Variants in CHST9 observed in about 807,000 individuals in gnomAD.
CHST9 encodes carbohydrate sulfotransferase 9.
A neutral mutation model predicts 44.4 loss-of-function variants in CHST9; 41 were observed. The ratio of observed to expected loss-of-function variants is 0.92; its 90% CI spans 0.72 to 1.20. CHST9 has a LOEUF of 1.20. Ranked by LOEUF, CHST9 falls within the 50% of genes most tolerant of loss-of-function variation. The probability of loss-of-function intolerance (pLI) is 0.00; values close to 1 mark genes in which losing one functional copy is unlikely to be tolerated. For missense variants in CHST9, 504 were observed against 516.5 expected, an observed-to-expected ratio of 0.98 and a Z score of 0.23; for synonymous variants, 171 against 178.4, an observed-to-expected ratio of 0.96 and a Z score of 0.33.
intron 4 of CHST9, among the ~76,000 whole-genome samples, chr18:27,007,960 C>T (rs1489507946): frequency 2.0e-5 from 3 of 152,054 alleles, no homozygotes; most frequent in Non-Finnish European, 2.9e-5. Context: ...GGGGAGAATA[C>T]AGAGCATTGC....
At chr18:26,928,327 C>T (rs1349264396) in intron 5 of CHST9, 6 of 152,270 alleles carry the variant, frequency 3.9e-5, no homozygotes, top group Non-Finnish European at 7.3e-5. Context: ...TGGGTCATCC[C>T]TGGTGACGGG....
intron 1 of CHST9, among the ~76,000 whole-genome samples, chr18:27,167,773 G>C (rs570680012): frequency 1.3e-5 from 2 of 152,270 alleles, no homozygotes; most frequent in African/African-American, 4.8e-5. Flanking sequence ...TCTTTAAGAA[G>C]GTGATATCTA....
chr18:27,135,547 A>C (rs1313233675), intron 2 of CHST9, among the ~76,000 whole-genome samples: 2 of 152,140 alleles, frequency 1.3e-5, no homozygotes. Flanking sequence ...GTGAGAGGTA[A>C]GAGGAAGTGC....
rs2055542074 is a variant in CHST9, at chr18:26,917,012, A to T, written c.579T>A (p.Ser193Arg). The T allele has an allele frequency of 5.0e-6, 8 of 1,613,598 alleles. No homozygotes were observed. The Admixed American group carries it at 1.0e-4, about 20-fold the overall frequency. The change falls in exon 6 of 6, where the codon AGT (serine) becomes AGA (arginine). Residue 193 changes from serine to arginine, a missense_variant. Coordinates refer to ENST00000618847, the MANE Select transcript of CHST9 (RefSeq NM_031422.6). ...TATGAAAAAGATGTGACTGATGATG[A>T]CTCACCCCACCGTATTTCTTGCAAA... ...QEFCKKYGGV[S>R]HHQSHLFHTV...
At chr18:26,998,988 C>T (rs548064178) in intron 4 of CHST9, among the ~76,000 whole-genome samples, 1 of 152,232 alleles carries the variant, frequency 6.6e-6, no homozygotes, top group South Asian at 2.1e-4. Flanking sequence ...AATTCCCCAG[C>T]CCCATTTCCT....
rs993424935 is a variant in CHST9, at chr18:26,992,277, C to T, written c.202+31839G>A. Among the ~76,000 whole-genome samples the T allele has an allele frequency of 3.8e-4, 32 of 83,744 alleles. 10 individuals carry two copies. In the Admixed American group the frequency reaches 4.0e-3, roughly 10 times the overall value. 54.9% of individuals were successfully genotyped at this position (83,744 alleles called of 152,430 possible). A position where few individuals can be genotyped will look rare whatever the true frequency, so the allele number is the denominator to read the frequency against. ...AATCACACCACATCTATGCTGGAAA[C>T]AGATGCTAGTGAGCCTTCAGACACA... On this transcript the variant is annotated intron_variant, in intron 4 of 5. Coordinates refer to ENST00000618847, the MANE Select transcript of CHST9 (RefSeq NM_031422.6).
At chr18:27,127,597 G>A (rs749912954) in intron 2 of CHST9, among the ~76,000 whole-genome samples, 4 of 152,114 alleles carry the variant, frequency 2.6e-5, no homozygotes, top group Non-Finnish European at 5.9e-5. Flanking sequence ...GAAATAAATT[G>A]GGGGGAATAG....
intron 4 of CHST9, among the ~76,000 whole-genome samples, chr18:26,995,328 C>A (rs1432388087): frequency 2.0e-5 from 3 of 149,710 alleles, no homozygotes; most frequent in African/African-American, 7.4e-5. Context: ...GTCTCAGTTA[C>A]TCGGGAGGCT....
At chr18:27,173,945 A>G (rs1721035870) in intron 1 of CHST9, among the ~76,000 whole-genome samples, 1 of 152,014 alleles carries the variant, frequency 6.6e-6, no homozygotes, top group Admixed American at 6.6e-5. Flanking sequence ...CCTTTCTTAC[A>G]CTTAAAACAT....
At chr18:27,147,255 CG>C (rs2058619984) in intron 1 of CHST9, among the ~76,000 whole-genome samples, 1 of 151,874 alleles carries the variant, frequency 6.6e-6, no homozygotes, top group African/African-American at 2.4e-5. Context: ...TTAGTAGATA[CG>C]GGGTTTCTCC....
At chr18:27,154,558 C>T (rs1252114311) in intron 1 of CHST9, among the ~76,000 whole-genome samples, 1 of 152,118 alleles carries the variant, frequency 6.6e-6, no homozygotes, top group Non-Finnish European at 1.5e-5. Flanking sequence ...AAGAAGACCA[C>T]AGGCATTCAA....
At chr18:26,962,293 C>CTTTT (rs71171604) in intron 4 of CHST9, among the ~76,000 whole-genome samples, 1 of 140,746 alleles carries the variant, frequency 7.1e-6, no homozygotes, top group African/African-American at 2.6e-5. Flanking sequence ...TTATAGTCTC[C>CTTTT]TTTTTTTTTT....
At chr18:26,927,503 G>A (rs564671924) in intron 5 of CHST9, among the ~76,000 whole-genome samples, 1 of 152,058 alleles carries the variant, frequency 6.6e-6, no homozygotes, top group Non-Finnish European at 1.5e-5. Flanking sequence ...GTAACAGTGG[G>A]GAGAGGGTCA....
intron 2 of CHST9, among the ~76,000 whole-genome samples, chr18:27,099,167 T>C (rs1187747098): frequency 6.6e-6 from 1 of 152,080 alleles, no homozygotes; most frequent in East Asian, 1.9e-4. Context: ...TTCCTACCTG[T>C]CACCATATAC....
At chr18:26,992,929 G>C in intron 4 of CHST9, among the ~76,000 whole-genome samples, 1 of 152,098 alleles carries the variant, frequency 6.6e-6, no homozygotes, top group East Asian at 1.9e-4. Context: ...TCATTTGCAG[G>C]CTCTTTTGTT....
At chr18:26,988,340 A>G (rs1176954254) in intron 4 of CHST9, among the ~76,000 whole-genome samples, 1 of 152,230 alleles carries the variant, frequency 6.6e-6, no homozygotes, top group Non-Finnish European at 1.5e-5. Context: ...AGACAGAAAT[A>G]AAAGTTTGAA....
chr18:27,014,130 A>C (rs2057117890), intron 4 of CHST9, among the ~76,000 whole-genome samples: 1 of 152,156 alleles, frequency 6.6e-6, no homozygotes, highest in Non-Finnish European at 1.5e-5. Flanking sequence ...AAGTCAATGG[A>C]GTGTACCAGT....
intron 4 of CHST9, among the ~76,000 whole-genome samples, chr18:26,955,237 T>G (rs538913430): frequency 5.3e-5 from 8 of 152,060 alleles, no homozygotes; most frequent in Non-Finnish European, 1.5e-5. Context: ...TTTTTTTTTT[T>G]TTGTATTTTA....
rs2055487583 is a variant in CHST9, at chr18:26,914,667, A to G, written c.*1592T>C. On this transcript the variant is annotated 3_prime_UTR_variant, in exon 6 of 6. Coordinates refer to ENST00000618847, the MANE Select transcript of CHST9 (RefSeq NM_031422.6). The stretch of plus-strand genomic sequence containing the variant: ...ACTCCTTAGGAGACACAGATGGGAC[A>G]CGGCAGGTGTGTGTAAGGAGCGAAG... 2.9e-6 allele frequency: 1 copy of G among 344,670 alleles called. No individual in the cohort carries two copies. The highest frequency in any genetic ancestry group is 4.2e-5 in the East Asian group (1 of 23,684). 21.4% of individuals were successfully genotyped at this position (344,670 alleles called of 1,614,324 possible).
Sources: gnomAD v4.1 joint callset for allele counts (sites outside exome capture counted in the v4.1 genomes callset) on GRCh38, gnomAD v4.1.1 for gene constraint, MANE v1.5 for transcripts, NCBI Gene and HGNC (gene_info 2026-07-23, HGNC 2026-07-21) for gene names.